Variants in FER1L6 observed in about 807,000 individuals in gnomAD.
FER1L6 encodes the protein fer-1 like family member 6, also known as fer-1-like protein 6.
Under a neutral mutation model 219.2 loss-of-function variants are expected in FER1L6, and 177 were observed. The ratio of observed to expected loss-of-function variants is 0.81; its 90% CI spans 0.71 to 0.91. The LOEUF (loss-of-function observed/expected upper bound fraction) is 0.91. Ranked by LOEUF, FER1L6 falls within the 40% of genes least tolerant of loss-of-function variation. The probability of loss-of-function intolerance (pLI) is 0.00; values close to 1 mark genes in which losing one functional copy is unlikely to be tolerated. For synonymous variants in FER1L6, 768 were observed against 824.3 expected (o/e 0.93, Z 1.17); for missense variants, 2,153 against 2,259.9 (o/e 0.95, Z 0.96).
At chr8:123,872,037 A>T (rs1174622517) in intron 1 of FER1L6, among the ~76,000 whole-genome samples, 1 of 152,168 alleles carries the variant, frequency 6.6e-6, no homozygotes, top group Non-Finnish European at 1.5e-5. Flanking sequence ...GCTTCTGGAG[A>T]GGCCTCAGGA....
At position 123,966,179 on chromosome 8, in the gene FER1L6, G is replaced by C. The variant is rs376377989; in HGVS notation, c.273G>C (p.Glu91Asp). The C allele has an allele frequency of 4.3e-6, 7 of 1,613,932 alleles. No homozygotes were observed. The highest frequency in any genetic ancestry group is 5.9e-6 in the Non-Finnish European group (7 of 1,180,010). The change falls in exon 5 of 41, where the codon GAG (glutamate) becomes GAC (aspartate). Residue 91 changes from glutamate (E) to aspartate (D), a missense_variant. Transcript: ENST00000522917. ...TGCAGATTGCCATAACCATCACCGA[G>C]GCTCGCCAGCTGGTGGGTGAGAACA... Reference protein sequence around the residue: ...QNYQIAITITEARQLVGENID... With the variant: ...QNYQIAITITDARQLVGENID...
intron 3 of FER1L6, among the ~76,000 whole-genome samples, chr8:123,965,336 G>A (rs937063703): frequency 6.6e-6 from 1 of 152,158 alleles, no homozygotes; most frequent in African/African-American, 2.4e-5. Context: ...AATGCAACAG[G>A]AACTCAAGCT....
chr8:123,998,945 C>G (rs1298851041), intron 12 of FER1L6, among the ~76,000 whole-genome samples: 1 of 151,700 alleles, frequency 6.6e-6, no homozygotes, highest in Non-Finnish European at 1.5e-5. Flanking sequence ...AGGTCCCTCC[C>G]TTTGTGACAA....
intron 1 of FER1L6, among the ~76,000 whole-genome samples, chr8:123,927,442 G>A (rs569019293): frequency 2.6e-4 from 39 of 152,312 alleles, no homozygotes; most frequent in African/African-American, 8.4e-4. Flanking sequence ...TGGGAAAACC[G>A]TGGGACATTT....
intron 3 of FER1L6, among the ~76,000 whole-genome samples, chr8:123,964,688 G>A (rs1455577536): frequency 6.6e-6 from 1 of 152,186 alleles, no homozygotes; most frequent in Non-Finnish European, 1.5e-5. Flanking sequence ...GAAAGAGAAG[G>A]AAGGAATAAC....
intron 33 of FER1L6, among the ~76,000 whole-genome samples, chr8:124,086,515 C>T (rs1208575181): frequency 6.7e-6 from 1 of 149,452 alleles, no homozygotes. Flanking sequence ...TGCTTTTTAA[C>T]TTTCTGTTGT....
intron 1 of FER1L6, among the ~76,000 whole-genome samples, chr8:123,916,310 A>T (rs1041513972): frequency 3.3e-5 from 5 of 152,242 alleles, no homozygotes; most frequent in African/African-American, 4.8e-5. Context: ...CTTGGATGGC[A>T]CCTGGAACAA....
intron 18 of FER1L6, among the ~76,000 whole-genome samples, chr8:124,025,410 T>A (rs1818662622): frequency 1.3e-5 from 2 of 152,190 alleles, no homozygotes; most frequent in Non-Finnish European, 2.9e-5. Flanking sequence ...TATCTCATTT[T>A]CCCAGTACCA....
chr8:123,934,776 C>T (rs1002154281), intron 1 of FER1L6, among the ~76,000 whole-genome samples: 1 of 152,054 alleles, frequency 6.6e-6, no homozygotes, highest in African/African-American at 2.4e-5. Context: ...GGGAGGGGTC[C>T]TGGTGGGAGG....
At chr8:123,886,079 C>T (rs1817195994) in intron 1 of FER1L6, among the ~76,000 whole-genome samples, 1 of 152,294 alleles carries the variant, frequency 6.6e-6, no homozygotes, top group Admixed American at 6.5e-5. Context: ...CTTTGTGCAC[C>T]TAACACTCTG....
intron 39 of FER1L6, among the ~76,000 whole-genome samples, chr8:124,116,698 C>T (rs543832016): frequency 3.9e-5 from 6 of 152,330 alleles, no homozygotes; most frequent in African/African-American, 1.4e-4. Context: ...TCCTAGCAAT[C>T]GGTTAGCTCC....
At chr8:123,921,842 C>T (rs1013389781) in intron 1 of FER1L6, among the ~76,000 whole-genome samples, 2 of 151,996 alleles carry the variant, frequency 1.3e-5, no homozygotes, top group African/African-American at 4.8e-5. Flanking sequence ...GTGTAGAGGC[C>T]GCCCTCGGGC....
At chr8:123,882,404 G>C (rs6470199) in intron 1 of FER1L6, among the ~76,000 whole-genome samples, 90,178 of 151,982 alleles carry the variant, frequency 0.59, 26,915 homozygotes, top group South Asian at 0.75. Flanking sequence ...GGGTTAGAAC[G>C]AGATGGAGAT....
intron 1 of FER1L6, among the ~76,000 whole-genome samples, chr8:123,950,923 A>G (rs1038735205): frequency 6.6e-6 from 1 of 152,202 alleles, no homozygotes; most frequent in African/African-American, 2.4e-5. Context: ...AGGCTGAGCT[A>G]ATCCTGTGCA....
At chr8:123,965,891 G>A in intron 3 of FER1L6, 116 bp from the exon 4 acceptor site, 1 of 955,268 alleles carries the variant, frequency 1.0e-6, no homozygotes, top group Non-Finnish European at 1.6e-6. Flanking sequence ...CAGAGATGTA[G>A]ACAGAATATG....
chr8:124,015,524 A>G (rs1818145827), intron 15 of FER1L6, among the ~76,000 whole-genome samples: 1 of 146,080 alleles, frequency 6.8e-6, no homozygotes, highest in African/African-American at 2.5e-5. Flanking sequence ...TCACAAAAAA[A>G]GTAAAGAAAA....
intron 21 of FER1L6, chr8:124,047,745 T>C (rs1819802297): frequency 6.6e-6 from 1 of 152,174 alleles, no homozygotes; most frequent in Non-Finnish European, 1.5e-5. Context: ...ATATGCACTT[T>C]GCTCCCAGGG....
At chr8:123,871,453 ACCCCCTG>A in intron 1 of FER1L6, among the ~76,000 whole-genome samples, 1 of 151,670 alleles carries the variant, frequency 6.6e-6, no homozygotes, top group Non-Finnish European at 1.5e-5. Flanking sequence ...CTAAACACCA[ACCCCCTG>A]CCCACTCCCC....
In FER1L6 at chr8:124,097,807, T is replaced by C; in HGVS notation, c.4807T>C (p.Trp1603Arg). The C allele has an allele frequency of 6.2e-7, 1 of 1,602,632 alleles. No homozygotes were observed. The highest frequency in any genetic ancestry group is 8.6e-7 in the Non-Finnish European group (1 of 1,169,460). Reference sequence around the variant, plus strand: ...CAGATACGAATTGAGAGTGACCATCTGGAACACTGAAGATGTCATTTTAGA... The same window carrying C: ...CAGATACGAATTGAGAGTGACCATCCGGAACACTGAAGATGTCATTTTAGA... Reference protein sequence around the residue: ...PKGYELRVTIWNTEDVILEDE... With the variant: ...PKGYELRVTIRNTEDVILEDE... The change falls in exon 37 of 41, where the codon TGG becomes CGG. Residue 1603 changes from tryptophan (W) to arginine (R), a missense_variant. Trp to Arg is a moderately radical substitution (Grantham distance 101, BLOSUM62 -3). Coordinates refer to ENST00000522917, the MANE Select transcript of FER1L6 (RefSeq NM_001039112.2).
Sources: gnomAD v4.1 joint callset for allele counts (sites outside exome capture counted in the v4.1 genomes callset) on GRCh38, gnomAD v4.1.1 for gene constraint, MANE v1.5 for transcripts, NCBI Gene and HGNC (gene_info 2026-07-23, HGNC 2026-07-21) for gene names.